Variants in PDE8B observed in about 807,000 individuals in gnomAD.
PDE8B encodes high affinity cAMP-specific and IBMX-insensitive 3',5'-cyclic phosphodiesterase 8B.
In PDE8B, 26 loss-of-function variants were observed where a neutral mutation model predicts 101.3. The observed-to-expected ratio is 0.26, with a 90% CI of 0.19 to 0.36. The LOEUF (loss-of-function observed/expected upper bound fraction) is 0.36, where lower values mean the gene tolerates loss of function less well. Among genes scored for constraint, PDE8B ranks in the 10% least tolerant of loss-of-function variants. The pLI is 1.00. For synonymous variants in PDE8B, 424 were observed against 429.3 expected, an observed-to-expected ratio of 0.99 and a Z score of 0.15; for missense variants, 810 against 1,163.1, an observed-to-expected ratio of 0.70 and a Z score of 4.42.
At chr5:77,267,455 A>AT (rs1761962232) in intron 1 of PDE8B, among the ~76,000 whole-genome samples, 2 of 148,264 alleles carry the variant, frequency 1.3e-5, no homozygotes, top group Non-Finnish European at 1.5e-5. Flanking sequence ...AAAAAAAAAA[A>AT]GGGTGGAAAA....
chr5:77,159,628 A>G, the PDE8B span, among the ~76,000 whole-genome samples: 38,481 of 152,082 alleles, frequency 0.25, 5,826 homozygotes, highest in East Asian at 0.76. Flanking sequence ...TGCATATATC[A>G]TATTAGTTCT....
intron 1 of PDE8B, among the ~76,000 whole-genome samples, chr5:77,216,131 A>G (rs1749653407): frequency 6.6e-6 from 1 of 152,126 alleles, no homozygotes; most frequent in Admixed American, 6.5e-5. Flanking sequence ...AACTCAGAAT[A>G]ATCAAATGAA....
At chr5:77,347,378 G>A (rs549886838) in intron 7 of PDE8B, among the ~76,000 whole-genome samples, 22 of 152,194 alleles carry the variant, frequency 1.4e-4, no homozygotes, top group African/African-American at 4.8e-4. Flanking sequence ...ATATCTGGGA[G>A]TACCTGCTGC....
At chr5:77,187,495 T>C in the PDE8B span, among the ~76,000 whole-genome samples, 3 of 152,066 alleles carry the variant, frequency 2.0e-5, no homozygotes, top group Non-Finnish European at 4.4e-5. Flanking sequence ...ATCAAAGCAG[T>C]GAGCGGCCAG....
chr5:77,426,071 C>A, intron 21 of PDE8B, 175 bp downstream of exon 21: 1 of 675,118 alleles, frequency 1.5e-6, no homozygotes, highest in Non-Finnish European at 2.7e-6. Context: ...GCAGCTGGCA[C>A]AGAAGCTTGT....
chr5:77,400,857 C>A (rs1410472738), intron 11 of PDE8B, among the ~76,000 whole-genome samples: 1 of 139,028 alleles, frequency 7.2e-6, no homozygotes, highest in African/African-American at 2.6e-5. Context: ...GTCTGGAATT[C>A]TCTGACCATT....
At chr5:77,419,310 A>C (rs570167247) in intron 18 of PDE8B, among the ~76,000 whole-genome samples, 1 of 152,328 alleles carries the variant, frequency 6.6e-6, no homozygotes, top group East Asian at 1.9e-4. Context: ...CTAGAGAATT[A>C]CTTATTAACA....
At chr5:77,344,811 G>A (rs774385824) in intron 6 of PDE8B, 42 bp from the exon 7 acceptor site, 9 of 1,233,386 alleles carry the variant, frequency 7.3e-6, no homozygotes, top group Non-Finnish European at 1.1e-5. Flanking sequence ...AATGTGAATG[G>A]TTTTCATAGA....
the PDE8B span, among the ~76,000 whole-genome samples, chr5:77,186,324 G>A: frequency 1.3e-5 from 2 of 152,344 alleles, no homozygotes; most frequent in Admixed American, 1.3e-4. Flanking sequence ...GAACAGAAGA[G>A]ACTATCCCCT....
chr5:77,218,734 T>C (rs1750378914), intron 1 of PDE8B, among the ~76,000 whole-genome samples: 1 of 152,222 alleles, frequency 6.6e-6, no homozygotes, highest in Non-Finnish European at 1.5e-5. Context: ...TGTCATTATT[T>C]TCACTGAACA....
intron 10 of PDE8B, among the ~76,000 whole-genome samples, chr5:77,398,609 C>T (rs572784733): frequency 5.3e-4 from 80 of 152,236 alleles, no homozygotes; most frequent in Admixed American, 6.5e-4. Context: ...GAGTGAGCCA[C>T]GGCGCCCGAC....
At chr5:77,097,741 A>ATATATCTATATATATATATCTATT in the PDE8B span, among the ~76,000 whole-genome samples, 1 of 106,092 alleles carries the variant, frequency 9.4e-6, no homozygotes, top group African/African-American at 3.0e-5. Context: ...ATACATACAT[A>ATATATCTATATATATATATCTATT]TGACCAGCTA....
intron 2 of PDE8B, among the ~76,000 whole-genome samples, chr5:77,319,855 C>T (rs563901924): frequency 2.8e-4 from 42 of 152,328 alleles, no homozygotes; most frequent in African/African-American, 9.6e-4. Flanking sequence ...GAAAGATGCT[C>T]ACTTCGTATC....
the PDE8B span, among the ~76,000 whole-genome samples, chr5:77,159,152 A>G: frequency 6.6e-6 from 1 of 152,024 alleles, no homozygotes; most frequent in Non-Finnish European, 1.5e-5. Context: ...CAATCAGACT[A>G]CTCCATCCTC....
chr5:77,194,751 G>A, the PDE8B span, among the ~76,000 whole-genome samples: 1 of 152,288 alleles, frequency 6.6e-6, no homozygotes, highest in Admixed American at 6.5e-5. Context: ...TCATTCATGT[G>A]ATAGTGTGTA....
Position 77,407,395 on chromosome 5 carries a change from A to G in PDE8B, c.1303A>G (p.Asn435Asp). ...SRGSDAPSLQ[N>D]RRYPSMARIH... is the part of the protein sequence containing the mutation. ...CTTCTCTCCAGCACCAAGCCTGCAG[A>G]ATCGTCGCTATCCGTCCATGGCGAG... is the stretch of plus-strand genomic sequence containing the variant. The change falls in exon 13 of 22, where the codon AAT becomes GAT. Residue 435 changes from asparagine (N) to aspartate (D), a missense_variant. Physicochemically the swap from Asn to Asp is conservative, Grantham distance 23. Around this residue, in one of 4 missense-constraint regions of PDE8B, gnomAD observed 75 missense variants for 76.9 expected, o/e 0.98. Coordinates refer to ENST00000264917, the MANE Select transcript of PDE8B (RefSeq NM_003719.5). 1 of 1,614,078 alleles carries G rather than the reference A, an allele frequency of 6.2e-7. No individual in the cohort carries two copies. The highest frequency in any genetic ancestry group is 8.5e-7 in the Non-Finnish European group (1 of 1,179,956).
At chr5:77,272,944 C>T (rs1238196660) in intron 1 of PDE8B, among the ~76,000 whole-genome samples, 1 of 152,062 alleles carries the variant, frequency 6.6e-6, no homozygotes, top group Non-Finnish European at 1.5e-5. Context: ...TTTTGATATA[C>T]CTATGCATAG....
intron 7 of PDE8B, among the ~76,000 whole-genome samples, chr5:77,348,497 C>G (rs12153424): frequency 1.3e-5 from 2 of 152,194 alleles, no homozygotes; most frequent in African/African-American, 4.8e-5. Flanking sequence ...GAGCCCAGCA[C>G]TGAAAGGGCT....
chr5:77,319,170 T>A (rs1774469233), intron 2 of PDE8B, among the ~76,000 whole-genome samples: 1 of 152,228 alleles, frequency 6.6e-6, no homozygotes, highest in Admixed American at 6.5e-5. Flanking sequence ...TTTACTTAGA[T>A]AACACCAGAC....
Sources: gnomAD v4.1 joint callset for allele counts (sites outside exome capture counted in the v4.1 genomes callset) on GRCh38, gnomAD v4.1.1 for gene constraint, gnomAD v4.1.1 regional missense constraint, MANE v1.5 for transcripts, NCBI Gene and HGNC (gene_info 2026-07-23, HGNC 2026-07-21) for gene names.